Variants in GABBR2 observed in about 807,000 individuals in gnomAD.
GABBR2 encodes the protein gamma-aminobutyric acid type B receptor subunit 2.
Under a neutral mutation model 105.6 loss-of-function variants are expected in GABBR2, and 23 were observed. That is an observed-to-expected ratio of 0.22 (90% confidence interval 0.16 to 0.31). GABBR2 has a LOEUF of 0.31. Ranked by LOEUF, GABBR2 falls within the 10% of genes least tolerant of loss-of-function variation. The pLI, the probability that GABBR2 is intolerant of heterozygous loss-of-function variation, is 1.00. For missense variants in GABBR2, 734 were observed against 1,245.5 expected (o/e 0.59, Z 6.18); for synonymous variants, 478 against 499.7 (o/e 0.96, Z 0.58).
At chr9:98,298,599 A>G (rs1409891968) in intron 17 of GABBR2, among the ~76,000 whole-genome samples, 1 of 152,208 alleles carries the variant, frequency 6.6e-6, no homozygotes, top group Non-Finnish European at 1.5e-5. Context: ...TCTAAAAGGT[A>G]GGCAAAAATG....
intron 1 of GABBR2, among the ~76,000 whole-genome samples, chr9:98,630,327 A>C (rs1359876229): frequency 6.6e-6 from 1 of 152,152 alleles, no homozygotes; most frequent in Non-Finnish European, 1.5e-5. Flanking sequence ...AACACCACCT[A>C]ATAGGCAAGA....
intron 12 of GABBR2, among the ~76,000 whole-genome samples, chr9:98,370,601 C>G (rs1831761205): frequency 6.6e-6 from 1 of 152,132 alleles, no homozygotes; most frequent in South Asian, 2.1e-4. Flanking sequence ...CAGGCCTGAG[C>G]TGGGAGAGGG....
chr9:98,379,294 G>C (rs995727293), intron 11 of GABBR2, among the ~76,000 whole-genome samples: 1 of 151,892 alleles, frequency 6.6e-6, no homozygotes, highest in African/African-American at 2.4e-5. Flanking sequence ...TTTGAGACAG[G>C]GTCTCCCTCT....
chr9:98,494,524 G>A (rs1827238976), intron 4 of GABBR2, among the ~76,000 whole-genome samples: 1 of 152,170 alleles, frequency 6.6e-6, no homozygotes, highest in Non-Finnish European at 1.5e-5. Context: ...GAGCAGTGGA[G>A]AAAGCTGGGC....
At chr9:98,561,239 TAC>T (rs1828670024) in intron 2 of GABBR2, among the ~76,000 whole-genome samples, 1 of 152,068 alleles carries the variant, frequency 6.6e-6, no homozygotes, top group Non-Finnish European at 1.5e-5. Context: ...CCTCATAGAT[TAC>T]AGTTTAAACA....
chr9:98,707,465 C>G (rs894747773), intron 1 of GABBR2: 2 of 152,452 alleles, frequency 1.3e-5, no homozygotes, highest in African/African-American at 2.4e-5. Context: ...GATCGCTCCT[C>G]CAGACCCGCT....
In GABBR2 at chr9:98,578,787, A is replaced by G. The variant is rs146908912; in HGVS notation, c.322-715T>C. ...GGAATATTTCCAGCCTGGAAAAGGA[A>G]GGAAATTCGGACACACGCTACAACG... On this transcript the variant is annotated intron_variant, in intron 1 of 18. Coordinates refer to ENST00000259455, the MANE Select transcript of GABBR2 (RefSeq NM_005458.8). Among the ~76,000 whole-genome samples, 417 of 152,334 alleles carry G rather than the reference A, an allele frequency of 2.7e-3. 1 individual carries two copies. Among genetic ancestry groups the G allele is most frequent in the African/African-American group, 9.1e-3 (377 of 41,572 alleles).
chr9:98,371,240 C>T (rs1831776498), intron 12 of GABBR2, among the ~76,000 whole-genome samples: 2 of 152,106 alleles, frequency 1.3e-5, no homozygotes, highest in Non-Finnish European at 2.9e-5. Context: ...GTGTTTCGTA[C>T]CCCAGCACCC....
intron 13 of GABBR2, among the ~76,000 whole-genome samples, chr9:98,348,237 T>C (rs1279387080): frequency 6.6e-6 from 1 of 152,240 alleles, no homozygotes; most frequent in Non-Finnish European, 1.5e-5. Flanking sequence ...CAAAAATCAG[T>C]TGGCTATAAA....
intron 13 of GABBR2, among the ~76,000 whole-genome samples, chr9:98,314,532 G>A (rs569443303): frequency 6.6e-6 from 1 of 152,208 alleles, no homozygotes; most frequent in Admixed American, 6.5e-5. Context: ...TCAATGGGAT[G>A]AAGTGCTCTT....
chr9:98,708,876 C>T lies in GABBR2; in HGVS notation c.-139G>A. 2 of 406,774 alleles carry T rather than the reference C, an allele frequency of 4.9e-6. No homozygotes were observed. The highest frequency in any genetic ancestry group is 3.3e-6 in the Non-Finnish European group (1 of 306,428). The allele number at this position is 406,774 out of a possible 1,614,324, so 25.2% of individuals were successfully genotyped here. On this transcript the variant is annotated 5_prime_UTR_variant, in exon 1 of 19. Coordinates refer to ENST00000259455, the MANE Select transcript of GABBR2 (RefSeq NM_005458.8). ...CCGGCTCCGTCTCGGGCTAGGGTTCCGGCTCGGCTCAGAACGGCCGCGGCG... is the reference window on the plus strand; with the variant it reads ...CCGGCTCCGTCTCGGGCTAGGGTTCTGGCTCGGCTCAGAACGGCCGCGGCG...
At chr9:98,443,736 G>A (rs1157922441) in intron 7 of GABBR2, among the ~76,000 whole-genome samples, 1 of 152,196 alleles carries the variant, frequency 6.6e-6, no homozygotes, top group African/African-American at 2.4e-5. Context: ...AGAATTACAG[G>A]CCCCACTGTC....
At chr9:98,584,950 C>T (rs2131787907) in intron 1 of GABBR2, among the ~76,000 whole-genome samples, 1 of 152,278 alleles carries the variant, frequency 6.6e-6, no homozygotes, top group African/African-American at 2.4e-5. Flanking sequence ...AAAATTCTTC[C>T]TATCATTGGC....
chr9:98,664,934 TG>T (rs1165376656), intron 1 of GABBR2, among the ~76,000 whole-genome samples: 1 of 152,082 alleles, frequency 6.6e-6, no homozygotes, highest in African/African-American at 2.4e-5. Context: ...GAGACCAGAC[TG>T]GGCAACATAG....
intron 6 of GABBR2, among the ~76,000 whole-genome samples, chr9:98,455,339 A>G (rs1588170229): frequency 6.6e-6 from 1 of 152,220 alleles, no homozygotes; most frequent in East Asian, 1.9e-4. Flanking sequence ...GTCTTTTTTC[A>G]AATCACTTCT....
In GABBR2 at chr9:98,531,123, G is replaced by A. The variant is rs550820203; in HGVS notation, c.630+10750C>T. 1.2e-3 allele frequency among the ~76,000 whole-genome samples: 190 copies of A among 152,280 alleles called. 1 individual carries two copies. Among genetic ancestry groups the A allele is most frequent in the South Asian group, 7.9e-3 (38 of 4,824 alleles). ...AACGCTATGTTCCAGGATCCTCACA[G>A]CTTGAGTGGAGGATATATTTATCTA... On this transcript the variant is annotated intron_variant, in intron 3 of 18. Coordinates refer to ENST00000259455, the MANE Select transcript of GABBR2 (RefSeq NM_005458.8).
intron 1 of GABBR2, among the ~76,000 whole-genome samples, chr9:98,623,588 C>T (rs1021591884): frequency 2.6e-5 from 4 of 152,174 alleles, no homozygotes; most frequent in South Asian, 2.1e-4. Context: ...CCCATTCTCT[C>T]GCATTTCCTA....
At chr9:98,428,511 G>C (rs1230772968) in intron 7 of GABBR2, among the ~76,000 whole-genome samples, 2 of 152,216 alleles carry the variant, frequency 1.3e-5, no homozygotes, top group African/African-American at 4.8e-5. Flanking sequence ...GAGCAGGGGA[G>C]AAAATGCGTG....
intron 2 of GABBR2, among the ~76,000 whole-genome samples, chr9:98,573,003 G>A (rs1828854205): frequency 6.6e-6 from 1 of 152,232 alleles, no homozygotes; most frequent in Non-Finnish European, 1.5e-5. Context: ...ATTCTGTGGA[G>A]GTGGAGGCTG....
Sources: allele counts gnomAD v4.1 joint callset (sites outside exome capture counted in the v4.1 genomes callset), GRCh38; gene constraint gnomAD v4.1.1; transcripts MANE v1.5; gene names NCBI Gene and HGNC (gene_info 2026-07-23, HGNC 2026-07-21).